The following SOBP variants were observed in gnomAD, a reference collection of about 807,000 sequenced individuals.
SOBP encodes the protein sine oculis-binding protein homolog.
In SOBP, 4 loss-of-function variants were observed where a neutral mutation model predicts 53.6. The ratio of observed to expected loss-of-function variants is 0.07; its 90% CI spans 0.04 to 0.17. The LOEUF is 0.17. Among genes scored for constraint, SOBP ranks in the 10% least tolerant of loss-of-function variants. SOBP has a pLI of 1.00. For synonymous variants in SOBP, 584 were observed against 522.6 expected (o/e 1.12, Z -1.60); for missense variants, 1,088 against 1,204.7 (o/e 0.90, Z 1.43).
At chr6:107,504,957 A>G (rs1236909804) in intron 2 of SOBP, among the ~76,000 whole-genome samples, 1 of 152,248 alleles carries the variant, frequency 6.6e-6, no homozygotes, top group African/African-American at 2.4e-5. Flanking sequence ...ACAGCATGCC[A>G]GGATATGCTA....
chr6:107,523,146 TAAG>T (rs1326096989), intron 3 of SOBP, among the ~76,000 whole-genome samples: 2 of 152,174 alleles, frequency 1.3e-5, no homozygotes, highest in Admixed American at 6.5e-5. Flanking sequence ...ACTGGAGTCA[TAAG>T]AATACGTAGT....
At chr6:107,584,535 A>G (rs936174161) in intron 4 of SOBP, among the ~76,000 whole-genome samples, 1 of 152,140 alleles carries the variant, frequency 6.6e-6, no homozygotes, top group African/African-American at 2.4e-5. Context: ...TGGCTGAAGG[A>G]TAGAATTTCT....
At chr6:107,605,596 G>A (rs1328301434) in intron 5 of SOBP, among the ~76,000 whole-genome samples, 2 of 152,192 alleles carry the variant, frequency 1.3e-5, no homozygotes, top group Non-Finnish European at 2.9e-5. Context: ...AATGTCCCAG[G>A]AAGCATGAAT....
chr6:107,619,831 C>T (rs950372878), intron 5 of SOBP, among the ~76,000 whole-genome samples: 3 of 152,022 alleles, frequency 2.0e-5, no homozygotes, highest in African/African-American at 7.2e-5. Context: ...GTACGCCACA[C>T]CCATAGCAAG....
intron 3 of SOBP, among the ~76,000 whole-genome samples, chr6:107,516,174 A>G (rs1743507972): frequency 6.6e-6 from 1 of 152,168 alleles, no homozygotes; most frequent in African/African-American, 2.4e-5. Flanking sequence ...TAAGATGATC[A>G]TTATGGGCCA....
chr6:107,594,607 A>G (rs2115071454), intron 5 of SOBP, among the ~76,000 whole-genome samples: 1 of 152,332 alleles, frequency 6.6e-6, no homozygotes, highest in East Asian at 1.9e-4. Context: ...AAAGCAAGGG[A>G]AAAAGGTGTA....
chr6:107,550,415 A>G (rs1784429392), intron 4 of SOBP, among the ~76,000 whole-genome samples: 2 of 152,234 alleles, frequency 1.3e-5, no homozygotes, highest in Admixed American at 1.3e-4. Context: ...CACGCCACAC[A>G]TTTATCCACT....
chr6:107,634,732 C>T lies in SOBP; in HGVS notation c.1888C>T (p.Pro630Ser), dbSNP rs973711959. The change falls in exon 6 of 7, where the codon CCC becomes TCC. Residue 630 changes from proline (P) to serine (S), a missense_variant. Physicochemically the swap from Pro to Ser is moderately conservative, Grantham distance 74. Around this residue, in one of 6 missense-constraint regions of SOBP, gnomAD observed 665 missense variants for 629.7 expected, o/e 1.06. Coordinates refer to ENST00000317357, the MANE Select transcript of SOBP (RefSeq NM_018013.4). The surrounding 1 kb of genome is among the most constrained non-coding windows in gnomAD (Gnocchi z 4.5). ...GGACCTGACGCGGCGCGCCGGCAGC[C>T]CCCCGGGCCCCCCGGGCGCGGGCGG... ...VVDLTRRAGS[P>S]PGPPGAGGQL... The T allele has an allele frequency of 1.7e-5, 23 of 1,332,172 alleles. No individual in the cohort carries two copies. Among genetic ancestry groups the T allele is most frequent in the Non-Finnish European group, 2.1e-5 (22 of 1,050,584 alleles). The allele number at this position is 1,332,172 out of a possible 1,614,324, so 82.5% of individuals were successfully genotyped here. A position where few individuals can be genotyped will look rare whatever the true frequency, so the allele number is the denominator to read the frequency against.
chr6:107,636,093 A>C (rs1168329213), intron 6 of SOBP: 1 of 168,308 alleles, frequency 5.9e-6, no homozygotes, highest in South Asian at 1.4e-4. Flanking sequence ...TTTCCTGTTC[A>C]TGGGGTCTCC....
intron 6 of SOBP, among the ~76,000 whole-genome samples, chr6:107,642,056 C>G (rs928141080): frequency 6.6e-6 from 1 of 152,278 alleles, no homozygotes; most frequent in Non-Finnish European, 1.5e-5. Context: ...TTCTTAGGGC[C>G]TCAAAGGGCA....
At chr6:107,511,449 T>A (rs1445466163) in intron 3 of SOBP, 1 of 152,212 alleles carries the variant, frequency 6.6e-6, no homozygotes, top group Admixed American at 6.5e-5. Context: ...TGTTTTACAG[T>A]TCTTGCCGTC....
At chr6:107,505,731 A>G (rs140058986) in intron 2 of SOBP, among the ~76,000 whole-genome samples, 366 of 151,880 alleles carry the variant, frequency 2.4e-3, no homozygotes, top group African/African-American at 8.6e-3. Context: ...GCTCACTGCA[A>G]CCTCGGCCTC....
At chr6:107,598,483 G>T (rs556389501) in intron 5 of SOBP, among the ~76,000 whole-genome samples, 2 of 152,326 alleles carry the variant, frequency 1.3e-5, no homozygotes, top group African/African-American at 4.8e-5. Flanking sequence ...ATGGGGGCCA[G>T]TTGGGAGACA....
At chr6:107,653,398 A>G (rs913244450) in intron 6 of SOBP, among the ~76,000 whole-genome samples, 1 of 152,242 alleles carries the variant, frequency 6.6e-6, no homozygotes, top group African/African-American at 2.4e-5. Flanking sequence ...CCAGATAAAC[A>G]GCGTTGCCGC....
In SOBP at chr6:107,523,905, G is replaced by A. The variant is rs548397572; in HGVS notation, c.422-9554G>A. Among the ~76,000 whole-genome samples the A allele has an allele frequency of 8.5e-4, 130 of 152,342 alleles. 1 individual carries two copies. The highest frequency in any genetic ancestry group is 9.8e-4 in the Non-Finnish European group (67 of 68,032). ...CTTGAGGCCTTGTTAGTGTCCATGC[G>A]TGTCTTGTTAGTCAGTGCATTTGCA... On this transcript the variant is annotated intron_variant, in intron 3 of 6. Coordinates refer to ENST00000317357, the MANE Select transcript of SOBP (RefSeq NM_018013.4).
At chr6:107,598,409 T>C (rs1210021866) in intron 5 of SOBP, among the ~76,000 whole-genome samples, 1 of 152,172 alleles carries the variant, frequency 6.6e-6, no homozygotes, top group African/African-American at 2.4e-5. Context: ...TGCGTAGCGA[T>C]GGAAGGGCAT....
chr6:107,568,129 T>TTTA lies in SOBP; in HGVS notation c.574-18950_574-18949insTAT, dbSNP rs549910039. 3.6e-3 allele frequency among the ~76,000 whole-genome samples: 556 copies of TTTA among 152,338 alleles called. 3 individuals are homozygous for TTTA. Among genetic ancestry groups the TTTA allele is most frequent in the South Asian group, 0.017 (84 of 4,828 alleles). On this transcript the variant is annotated intron_variant, in intron 4 of 6. Coordinates refer to ENST00000317357, the MANE Select transcript of SOBP (RefSeq NM_018013.4). ...CAGTAACAATGATCACACACTATTG[T>TTTA]TAATAGATAGGGTTAAATGGCGAGA... is the stretch of plus-strand genomic sequence containing the variant.
At chr6:107,588,355 T>A (rs1055727561) in intron 5 of SOBP, among the ~76,000 whole-genome samples, 36 of 152,220 alleles carry the variant, frequency 2.4e-4, no homozygotes, top group African/African-American at 8.2e-4. Flanking sequence ...TTACACTACT[T>A]ATTCTGTGTG....
chr6:107,653,267 A>G (rs1015016690), intron 6 of SOBP, among the ~76,000 whole-genome samples: 2 of 152,234 alleles, frequency 1.3e-5, no homozygotes, highest in Non-Finnish European at 2.9e-5. Context: ...CATCACACTC[A>G]GAGTTTATCA....
Sources: allele counts gnomAD v4.1 joint callset (sites outside exome capture counted in the v4.1 genomes callset), GRCh38; gene constraint gnomAD v4.1.1; regional missense constraint gnomAD v4.1.1; non-coding constraint Gnocchi (gnomAD v3.1); transcripts MANE v1.5; gene names NCBI Gene and HGNC (gene_info 2026-07-23, HGNC 2026-07-21).